MBNL3: variants seen among roughly 807,000 people sequenced by gnomAD.
The protein encoded by MBNL3 is muscleblind like splicing regulator 3.
A neutral mutation model predicts 24.5 loss-of-function variants in MBNL3; 6 were observed. The observed-to-expected ratio is 0.25, with a 90% CI of 0.13 to 0.48. The LOEUF (loss-of-function observed/expected upper bound fraction) is 0.48, where lower values mean the gene tolerates loss of function less well. Ranked by LOEUF, MBNL3 falls within the 20% of genes least tolerant of loss-of-function variation. The pLI, the probability that MBNL3 is intolerant of heterozygous loss-of-function variation, is 0.99. For missense variants in MBNL3, 230 were observed against 293.5 expected (o/e 0.78, Z 1.58); for synonymous variants, 100 against 101.7 (o/e 0.98, Z 0.10).
At position 132,400,316 on chromosome X, in the gene MBNL3, G is replaced by GA; in HGVS notation, c.342+5911dup. On this transcript the variant is annotated intron_variant, in intron 3 of 8. Transcript: ENST00000370853. ...TTTCATTCAACTTTTGAAAAAAGCA[G>GA]ATTTCACAGTGTCTATTAACAGAGA... Among the ~76,000 whole-genome samples, 3 of 112,102 alleles carry GA rather than the reference G, an allele frequency of 2.7e-5. 1 individual carries two copies. The Middle Eastern group carries it at 0.014, about 526-fold the overall frequency.
At chrX:132,396,871 TATATAC>T (rs1158492803) in intron 3 of MBNL3, among the ~76,000 whole-genome samples, 14 of 68,895 alleles carry the variant, frequency 2.0e-4, no homozygotes, top group African/African-American at 2.9e-4. Context: ...TATATATTCA[TATATAC>T]ATATATATTC....
chrX:132,450,605 A>C (rs909845787), intron 1 of MBNL3, among the ~76,000 whole-genome samples: 1 of 112,377 alleles, frequency 8.9e-6, no homozygotes, highest in African/African-American at 3.2e-5. Flanking sequence ...GCATTGGGTT[A>C]GAACATGCTC....
At chrX:132,409,886 T>G (rs780874035) in intron 2 of MBNL3, among the ~76,000 whole-genome samples, 1 of 112,076 alleles carries the variant, frequency 8.9e-6, no homozygotes, top group South Asian at 3.7e-4. Flanking sequence ...CATGTCATTC[T>G]CATCTGGTCT....
rs1164130715 is a variant in MBNL3 at position 132,396,521 on chromosome X, CAT to C, written c.343-4189_343-4188del. 1.6e-3 allele frequency among the ~76,000 whole-genome samples: 79 copies of C among 48,105 alleles called. 5 individuals are homozygous for C. The highest frequency in any genetic ancestry group is 0.011 in the African/African-American group (59 of 5,148). The allele number at this position is 48,105 out of a possible 115,157, so 41.8% of individuals were successfully genotyped here. ...ATTCCTATATATATTCATATATATTCATATATATATTCATATATATATTCCTA... is the reference window on the plus strand; with the variant it reads ...ATTCCTATATATATTCATATATATTCATATATATTCATATATATATTCCTA... On this transcript the variant is annotated intron_variant, in intron 3 of 8. Transcript: ENST00000370853.
rs1387801988 is a variant in MBNL3, at chrX:132,378,694, A to C, written c.*972T>G. 1 of 111,905 alleles carries C rather than the reference A, an allele frequency of 8.9e-6. No homozygotes were observed. Among genetic ancestry groups the C allele is most frequent in the African/African-American group, 3.2e-5 (1 of 30,821 alleles). The allele number at this position is 111,905 out of a possible 1,213,427, so 9.2% of individuals were successfully genotyped here. On this transcript the variant is annotated 3_prime_UTR_variant, in exon 9 of 9. Coordinates refer to ENST00000370853, the MANE Select transcript of MBNL3 (RefSeq NM_001386889.1). The stretch of plus-strand genomic sequence containing the variant: ...CTCAGCTGAAGATGACAAATGGCTC[A>C]GTTTTAGACACTCAATTTAGGAGAT...
At chrX:132,463,763 T>C (rs368562591) in intron 1 of MBNL3, among the ~76,000 whole-genome samples, 23 of 112,421 alleles carry the variant, frequency 2.0e-4, no homozygotes, top group African/African-American at 6.8e-4. Context: ...CATTCTGTGG[T>C]ATTTAAGATA....
chrX:132,469,455 T>TA (rs1472881089), intron 1 of MBNL3, among the ~76,000 whole-genome samples: 2 of 112,513 alleles, frequency 1.8e-5, no homozygotes, highest in Non-Finnish European at 3.8e-5. Flanking sequence ...AAGTGCCCAG[T>TA]AAATAGTGGG....
At chrX:132,459,460 T>C (rs1198631165) in intron 1 of MBNL3, among the ~76,000 whole-genome samples, 1 of 111,707 alleles carries the variant, frequency 9.0e-6, no homozygotes, top group Non-Finnish European at 1.9e-5. Flanking sequence ...GGAGAAATCC[T>C]ACTTATTCTG....
chrX:132,462,599 GAC>G (rs772968128), intron 1 of MBNL3, among the ~76,000 whole-genome samples: 302 of 111,977 alleles, frequency 2.7e-3, no homozygotes, highest in African/African-American at 9.4e-3. Context: ...ACCAAAGAAA[GAC>G]ACAGCCACAT....
At chrX:132,459,360 G>A (rs1253551105) in intron 1 of MBNL3, among the ~76,000 whole-genome samples, 1 of 110,780 alleles carries the variant, frequency 9.0e-6, no homozygotes, top group Non-Finnish European at 1.9e-5. Flanking sequence ...TAATAAACCT[G>A]TGTATAGAAA....
At chrX:132,485,300 C>T (rs193137324) in intron 1 of MBNL3, among the ~76,000 whole-genome samples, 2 of 111,469 alleles carry the variant, frequency 1.8e-5, no homozygotes, top group African/African-American at 6.5e-5. Flanking sequence ...TTTGGAAGTC[C>T]CATTATTTCT....
intron 2 of MBNL3, chrX:132,431,599 C>T (rs1045426420): frequency 1.8e-5 from 2 of 111,485 alleles, no homozygotes; most frequent in Non-Finnish European, 3.8e-5. Flanking sequence ...AGCCATTATT[C>T]CAAAGATCCC....
intron 3 of MBNL3, among the ~76,000 whole-genome samples, chrX:132,396,405 CATATATATTCCT>C (rs1466731929): frequency 2.9e-4 from 22 of 76,963 alleles, no homozygotes; most frequent in Non-Finnish European, 3.3e-4. Context: ...TATATATATT[CATATATATTCCT>C]ATATATATAT....
At chrX:132,433,158 A>C (rs1944876483) in intron 2 of MBNL3, among the ~76,000 whole-genome samples, 1 of 111,819 alleles carries the variant, frequency 8.9e-6, no homozygotes, top group Admixed American at 9.5e-5. Context: ...TTCTAGTCTC[A>C]AGGTCTGAGG....
chrX:132,433,687 C>G (rs1944923756), intron 2 of MBNL3, among the ~76,000 whole-genome samples: 3 of 112,258 alleles, frequency 2.7e-5, no homozygotes, highest in Non-Finnish European at 3.8e-5. Context: ...ACCTTTCCAG[C>G]TCCTGGAACA....
At chrX:132,388,443 T>C (rs1936516037) in intron 5 of MBNL3, among the ~76,000 whole-genome samples, 1 of 112,461 alleles carries the variant, frequency 8.9e-6, no homozygotes, top group Non-Finnish European at 1.9e-5. Flanking sequence ...GTTAAAAAGA[T>C]TTCCCTTTGG....
chrX:132,411,568 G>T, intron 2 of MBNL3: 1 of 236,439 alleles, frequency 4.2e-6, no homozygotes, highest in Non-Finnish European at 6.0e-6. Context: ...AAGCACACAA[G>T]CCAAGTTTCC....
intron 2 of MBNL3, among the ~76,000 whole-genome samples, chrX:132,437,021 A>C (rs1304955487): frequency 8.9e-6 from 1 of 111,788 alleles, no homozygotes; most frequent in East Asian, 2.8e-4. Flanking sequence ...ATTGGCTATT[A>C]TCTATTTTGT....
intron 1 of MBNL3, among the ~76,000 whole-genome samples, chrX:132,487,217 G>A (rs1948056092): frequency 1.8e-5 from 2 of 109,978 alleles, no homozygotes; most frequent in Admixed American, 9.8e-5. Flanking sequence ...TAGCACATCC[G>A]GAAGCAAACA....
Sources: gnomAD v4.1 joint callset for allele counts (sites outside exome capture counted in the v4.1 genomes callset) on GRCh38, gnomAD v4.1.1 for gene constraint, MANE v1.5 for transcripts, NCBI Gene and HGNC (gene_info 2026-07-23, HGNC 2026-07-21) for gene names.